Variants in MCC observed in about 807,000 individuals in gnomAD.
MCC encodes MCC regulator of Wnt signaling pathway.
Under a neutral mutation model 116.2 loss-of-function variants are expected in MCC, and 90 were observed. The ratio of observed to expected loss-of-function variants is 0.77; its 90% confidence interval spans 0.65 to 0.92. MCC has a LOEUF of 0.92. MCC is among the 40% of genes least tolerant of loss of function. The pLI, the probability that MCC is intolerant of heterozygous loss-of-function variation, is 0.00. For synonymous variants in MCC, 578 were observed against 510.5 expected (o/e 1.13, Z -1.78); for missense variants, 1,516 against 1,312.2 (o/e 1.16, Z -2.40).
chr5:113,293,628 C>T (rs112364081), intron 3 of MCC, among the ~76,000 whole-genome samples: 3 of 152,216 alleles, frequency 2.0e-5, no homozygotes, highest in African/African-American at 7.2e-5. Flanking sequence ...CACACATTTG[C>T]ATAGTGTTTG....
chr5:113,063,449 G>A (rs1753360434), intron 14 of MCC, among the ~76,000 whole-genome samples: 1 of 152,208 alleles, frequency 6.6e-6, no homozygotes, highest in Non-Finnish European at 1.5e-5. Flanking sequence ...GTGCCTGTAA[G>A]CATGTGCTGT....
intron 2 of MCC, among the ~76,000 whole-genome samples, chr5:113,379,471 A>T (rs572032393): frequency 1.3e-5 from 2 of 152,324 alleles, no homozygotes; most frequent in East Asian, 3.9e-4. Flanking sequence ...TTACCGCTTT[A>T]TCTTGAGACA....
chr5:113,030,019 A>G (rs17314002), intron 17 of MCC, among the ~76,000 whole-genome samples: 5,934 of 152,330 alleles, frequency 0.039, 158 homozygotes, highest in Middle Eastern at 0.078. Context: ...CAGCTTTAGA[A>G]CAACTTACTG....
At chr5:113,190,326 A>G (rs536243716) in intron 3 of MCC, among the ~76,000 whole-genome samples, 1 of 152,290 alleles carries the variant, frequency 6.6e-6, no homozygotes, top group Admixed American at 6.5e-5. Flanking sequence ...AAAGGATGAT[A>G]ACAACAAATA....
intron 3 of MCC, among the ~76,000 whole-genome samples, chr5:113,314,883 C>A (rs1282645474): frequency 1.3e-5 from 2 of 152,158 alleles, no homozygotes; most frequent in African/African-American, 4.8e-5. Context: ...CCACCACACC[C>A]AGCCTCCATT....
chr5:113,411,207 T>C (rs1215399388), intron 1 of MCC, among the ~76,000 whole-genome samples: 1 of 147,732 alleles, frequency 6.8e-6, no homozygotes, highest in African/African-American at 2.5e-5. Context: ...GGTTGAACTA[T>C]TTTACACTCC....
At chr5:113,133,393 C>G (rs544448805) in intron 5 of MCC, among the ~76,000 whole-genome samples, 4 of 152,224 alleles carry the variant, frequency 2.6e-5, no homozygotes, top group African/African-American at 9.6e-5. Flanking sequence ...CGATATTTGT[C>G]TTTTTGTGCT....
intron 17 of MCC, among the ~76,000 whole-genome samples, chr5:113,039,528 C>T (rs1751542379): frequency 6.6e-6 from 1 of 152,216 alleles, no homozygotes. Context: ...CCAGACCAGC[C>T]ACACAGCAGG....
In MCC at chr5:113,388,057, C is replaced by T. The variant is rs1359947913; in HGVS notation, c.171-2845G>A. ...ATATATTGGGCACCCTGGTGAGAAA[C>T]TCAGCTCTATCCAGGCTTGAGAAGC... is the stretch of plus-strand genomic sequence containing the variant. On this transcript the variant is annotated intron_variant, in intron 1 of 18. Coordinates refer to ENST00000408903, the MANE Select transcript of MCC (RefSeq NM_001085377.2). Among the ~76,000 whole-genome samples, 5 of 152,178 alleles carry T rather than the reference C, an allele frequency of 3.3e-5. No homozygotes were observed. In the South Asian group the frequency reaches 6.2e-4, roughly 19 times the overall value.
At chr5:113,444,390 T>G (rs1580383470) in intron 1 of MCC, among the ~76,000 whole-genome samples, 1 of 152,332 alleles carries the variant, frequency 6.6e-6, no homozygotes, top group South Asian at 2.1e-4. Flanking sequence ...ACATCTATAG[T>G]TGTAGGTTCT....
At chr5:113,295,895 A>G (rs1338747964) in intron 3 of MCC, among the ~76,000 whole-genome samples, 4 of 152,232 alleles carry the variant, frequency 2.6e-5, no homozygotes, top group African/African-American at 9.6e-5. Flanking sequence ...TCCATCCCCA[A>G]TAACAGAACT....
At chr5:113,338,362 A>AAG (rs1338904274) in intron 3 of MCC, among the ~76,000 whole-genome samples, 1 of 152,170 alleles carries the variant, frequency 6.6e-6, no homozygotes, top group Non-Finnish European at 1.5e-5. Flanking sequence ...GACTCCCCTG[A>AAG]AGAGCCAACT....
intron 3 of MCC, among the ~76,000 whole-genome samples, chr5:113,183,956 T>C (rs1761760039): frequency 6.9e-6 from 1 of 144,496 alleles, no homozygotes; most frequent in Non-Finnish European, 1.5e-5. Context: ...TTGTGCAAAC[T>C]GAAGCCCAAA....
intron 3 of MCC, among the ~76,000 whole-genome samples, chr5:113,200,429 T>C (rs765928835): frequency 2.6e-5 from 4 of 152,140 alleles, no homozygotes; most frequent in Non-Finnish European, 5.9e-5. Context: ...TGAGGATACA[T>C]CACTGCCTGC....
At chr5:113,192,925 CAT>C (rs1036434723) in intron 3 of MCC, among the ~76,000 whole-genome samples, 3 of 152,234 alleles carry the variant, frequency 2.0e-5, no homozygotes, top group Admixed American at 6.5e-5. Context: ...TAAACCAACA[CAT>C]GTTTATTGTC....
intron 2 of MCC, among the ~76,000 whole-genome samples, chr5:113,345,064 A>T: frequency 6.6e-6 from 1 of 152,182 alleles, no homozygotes; most frequent in Middle Eastern, 3.4e-3. Context: ...GCCTCACAGC[A>T]TTCACCAAAA....
In MCC at chr5:113,023,841, A is replaced by G. The variant is rs1259821400; in HGVS notation, c.*3461T>C. On this transcript the variant is annotated 3_prime_UTR_variant, in exon 19 of 19. Coordinates refer to ENST00000408903, the MANE Select transcript of MCC (RefSeq NM_001085377.2). ...GATAGACTTAAAAAGTGATTGCTTTATAATTCTCGTGGGCCATAGGAAACA... is the reference window on the plus strand; with the variant it reads ...GATAGACTTAAAAAGTGATTGCTTTGTAATTCTCGTGGGCCATAGGAAACA... The G allele has an allele frequency of 2.6e-5, 4 of 152,230 alleles. No homozygotes were observed. The highest frequency in any genetic ancestry group is 9.6e-5 in the African/African-American group (4 of 41,468). 9.4% of individuals were successfully genotyped at this position (152,230 alleles called of 1,614,324 possible).
chr5:113,417,766 A>C (rs1458903098), intron 1 of MCC, among the ~76,000 whole-genome samples: 3 of 151,944 alleles, frequency 2.0e-5, no homozygotes, highest in African/African-American at 7.3e-5. Context: ...CTGTCTCTAC[A>C]AAAAATACAA....
At chr5:113,123,389 G>C (rs1444780925) in intron 5 of MCC, among the ~76,000 whole-genome samples, 2 of 152,202 alleles carry the variant, frequency 1.3e-5, no homozygotes, top group Non-Finnish European at 2.9e-5. Flanking sequence ...ACTTCCCAAA[G>C]AAAGTAGGTA....
Sources: allele counts gnomAD v4.1 joint callset (sites outside exome capture counted in the v4.1 genomes callset), GRCh38; gene constraint gnomAD v4.1.1; transcripts MANE v1.5; gene names NCBI Gene and HGNC (gene_info 2026-07-23, HGNC 2026-07-21).